The following MAPK6 variants were observed in gnomAD, a reference collection of about 807,000 sequenced individuals.
MAPK6 encodes the protein mitogen-activated protein kinase 6.
Under a neutral mutation model 59.3 loss-of-function variants are expected in MAPK6, and 19 were observed. The observed-to-expected ratio is 0.32, with a 90% CI of 0.22 to 0.47. The LOEUF (loss-of-function observed/expected upper bound fraction) is 0.47. MAPK6 is among the 20% of genes least tolerant of loss of function. The probability of loss-of-function intolerance (pLI) is 1.00; values close to 1 mark genes in which losing one functional copy is unlikely to be tolerated. For missense variants in MAPK6, 724 were observed against 847.9 expected (o/e 0.85, Z 1.81); for synonymous variants, 316 against 290.3 (o/e 1.09, Z -0.90).
chr15:51,977,572 G>T (rs553948762), intron 1 of MAPK6, among the ~76,000 whole-genome samples: 1 of 151,898 alleles, frequency 6.6e-6, no homozygotes, highest in African/African-American at 2.4e-5. Flanking sequence ...GTCTCCCTCT[G>T]TCACCCAGGC....
At chr15:51,996,115 T>C (rs1413520579) in intron 2 of MAPK6, among the ~76,000 whole-genome samples, 1 of 152,160 alleles carries the variant, frequency 6.6e-6, no homozygotes, top group African/African-American at 2.4e-5. Flanking sequence ...TGCTGTATTA[T>C]CCATTTACCT....
intron 2 of MAPK6, among the ~76,000 whole-genome samples, chr15:52,048,127 C>G (rs1486165155): frequency 1.3e-5 from 2 of 152,048 alleles, no homozygotes; most frequent in African/African-American, 2.4e-5. Flanking sequence ...CATGTTGTTT[C>G]ACGTTAAGAT....
At chr15:52,014,576 G>A (rs1258734572), upstream of MAPK6, among the ~76,000 whole-genome samples, 1 of 151,826 alleles carries the variant, frequency 6.6e-6, no homozygotes, top group African/African-American at 2.4e-5. Flanking sequence ...GTGTGGTGGT[G>A]CATGCCTGTA....
chr15:52,006,704 A>C (rs2141827914), intron 3 of MAPK6, among the ~76,000 whole-genome samples: 1 of 152,300 alleles, frequency 6.6e-6, no homozygotes, highest in East Asian at 1.9e-4. Flanking sequence ...GTAAACCTGC[A>C]ATCAAGTTCT....
intron 3 of MAPK6, among the ~76,000 whole-genome samples, chr15:52,005,926 G>A (rs576938390): frequency 1.3e-5 from 2 of 152,246 alleles, no homozygotes; most frequent in East Asian, 3.9e-4. Flanking sequence ...GTGGAAGCAG[G>A]CCCATGTAGG....
At chr15:52,062,801 A>G (rs1435045424) in intron 5 of MAPK6, among the ~76,000 whole-genome samples, 5 of 151,936 alleles carry the variant, frequency 3.3e-5, no homozygotes, top group African/African-American at 1.2e-4. Flanking sequence ...GGAAGTTTAG[A>G]TATAATTCTG....
At chr15:52,039,449 G>A (rs1344717568) in intron 1 of MAPK6, among the ~76,000 whole-genome samples, 1 of 151,126 alleles carries the variant, frequency 6.6e-6, no homozygotes, top group Non-Finnish European at 1.5e-5. Context: ...TAAAATGCAT[G>A]TAGGCAAGGG....
intron 4 of MAPK6, 61 bp from the exon 5 acceptor site, chr15:52,061,238 T>A (rs2032184667): frequency 8.1e-7 from 1 of 1,238,766 alleles, no homozygotes; most frequent in Admixed American, 1.7e-5. Flanking sequence ...AGATCAACAT[T>A]TACTGTTTTT....
intron 1 of MAPK6, among the ~76,000 whole-genome samples, chr15:52,040,050 C>A (rs576378752): frequency 6.6e-6 from 1 of 152,290 alleles, no homozygotes; most frequent in South Asian, 2.1e-4. Context: ...CTTATGGCCG[C>A]CCACCATACA....
intron 2 of MAPK6, among the ~76,000 whole-genome samples, chr15:52,049,684 G>A (rs146428130): frequency 1.4e-5 from 2 of 143,490 alleles, no homozygotes; most frequent in Middle Eastern, 4.1e-3. Context: ...GCACAATCTC[G>A]GCTCACCGCA....
chr15:52,046,592 A>G lies in MAPK6; in HGVS notation c.132A>G (p.Lys44=), dbSNP rs2031598969. 1 of 1,614,100 alleles carries G rather than the reference A, an allele frequency of 6.2e-7. No homozygotes were observed. Among genetic ancestry groups the G allele is most frequent in the African/African-American group, 1.3e-5 (1 of 74,938 alleles). ...VFSAVDNDCD[K]RVAIKKIVLT... ...CTGCTGTAGACAATGACTGTGACAA[A>G]AGAGTAGCCATCAAGAAAATTGTCC... The change falls in exon 2 of 6, where the codon AAA becomes AAG. Residue 44 remains lysine, a synonymous_variant. Transcript: ENST00000261845.
chr15:51,974,723 T>C (rs1010992433), intron 1 of MAPK6, among the ~76,000 whole-genome samples: 8 of 150,566 alleles, frequency 5.3e-5, no homozygotes, highest in Non-Finnish European at 1.0e-4. Flanking sequence ...GAATTTCTTT[T>C]TTCCCCCCCC....
chr15:52,033,532 G>A (rs1028544185), intron 1 of MAPK6, among the ~76,000 whole-genome samples: 1 of 152,136 alleles, frequency 6.6e-6, no homozygotes, highest in East Asian at 1.9e-4. Flanking sequence ...GTGGTCTGTC[G>A]GGGGTTCTCC....
chr15:52,061,943 T>TATGAATG (rs1443345443), intron 5 of MAPK6, among the ~76,000 whole-genome samples: 1 of 152,172 alleles, frequency 6.6e-6, no homozygotes, highest in Non-Finnish European at 1.5e-5. Flanking sequence ...ACTGTGATTT[T>TATGAATG]ATGAATGTCA....
intron 2 of MAPK6, among the ~76,000 whole-genome samples, chr15:51,999,593 C>CT (rs1177035376): frequency 6.6e-6 from 1 of 151,890 alleles, no homozygotes; most frequent in African/African-American, 2.4e-5. Context: ...TTTAACTTTC[C>CT]TTTTTTTAAG....
At chr15:52,038,361 T>A (rs2031309991) in intron 1 of MAPK6, among the ~76,000 whole-genome samples, 1 of 152,222 alleles carries the variant, frequency 6.6e-6, no homozygotes, top group African/African-American at 2.4e-5. Context: ...ACCCACTCCC[T>A]TGGGTATACG....
chr15:52,007,632 G>A (rs574663078), intron 3 of MAPK6, among the ~76,000 whole-genome samples: 2 of 151,724 alleles, frequency 1.3e-5, no homozygotes, highest in Admixed American at 6.6e-5. Flanking sequence ...GAGCCCAGGA[G>A]GCCAAGGCTG....
At chr15:52,026,260 G>C (rs2030770531) in intron 1 of MAPK6, among the ~76,000 whole-genome samples, 1 of 152,196 alleles carries the variant, frequency 6.6e-6, no homozygotes, top group Non-Finnish European at 1.5e-5. Flanking sequence ...TACCGAAACA[G>C]TGGTTCTTAA....
intron 2 of MAPK6, chr15:52,004,169 G>A (rs935208527): frequency 2.6e-5 from 4 of 152,226 alleles, no homozygotes; most frequent in African/African-American, 9.6e-5. Flanking sequence ...AGAGGGAGGA[G>A]GGAAAGAACC....
Sources: allele counts gnomAD v4.1 joint callset (sites outside exome capture counted in the v4.1 genomes callset), GRCh38; gene constraint gnomAD v4.1.1; transcripts MANE v1.5; gene names NCBI Gene and HGNC (gene_info 2026-07-23, HGNC 2026-07-21).